Variants in PIN4 observed in about 807,000 individuals in gnomAD.
The protein encoded by PIN4 is peptidyl-prolyl cis-trans isomerase NIMA-interacting 4.
Under a neutral mutation model 8.3 loss-of-function variants are expected in PIN4, and 3 were observed. The observed-to-expected ratio is 0.36, with a 90% CI of 0.16 to 0.93. The LOEUF (loss-of-function observed/expected upper bound fraction) is 0.93. Ranked by LOEUF, PIN4 falls within the 40% of genes least tolerant of loss-of-function variation. The probability of loss-of-function intolerance (pLI) is 0.44; values close to 1 mark genes in which losing one functional copy is unlikely to be tolerated. For synonymous variants in PIN4, 18 were observed against 32.5 expected (o/e 0.55, Z 1.52); for missense variants, 75 against 100.6 (o/e 0.75, Z 1.09).
rs754139133 is a variant in PIN4 at position 72,192,089 on chromosome X, T to C, written c.118-4696T>C. On this transcript the variant is annotated intron_variant, in intron 2 of 3. Transcript: ENST00000373669. The stretch of plus-strand genomic sequence containing the variant: ...GCTTCAGCCTCCCGAGTAGCTGGGA[T>C]TACAGGCATCCACCACCACTCCCGG... Among the ~76,000 whole-genome samples, 6 of 110,606 alleles carry C rather than the reference T, an allele frequency of 5.4e-5. No individual in the cohort carries two copies. The East Asian group carries it at 1.1e-3, about 21-fold the overall frequency.
At chrX:72,207,702 A>G in intron 3 of PIN4, 2 of 1,211,314 alleles carry the variant, frequency 1.7e-6, no homozygotes, top group East Asian at 5.9e-5. Context: ...GCATTTCACA[A>G]ATGGCATCAA....
intron 1 of PIN4, among the ~76,000 whole-genome samples, chrX:72,184,393 G>A (rs1039912516): frequency 1.8e-5 from 2 of 112,166 alleles, no homozygotes; most frequent in Non-Finnish European, 3.8e-5. Flanking sequence ...CTAGTTCTGA[G>A]TGGCACAGTT....
chrX:72,260,270 C>T (rs955480279), intron 3 of PIN4, among the ~76,000 whole-genome samples: 3 of 112,079 alleles, frequency 2.7e-5, no homozygotes, highest in African/African-American at 6.5e-5. Context: ...GGTGTCCTTC[C>T]GAGGGGAGGC....
chrX:72,190,677 C>T (rs890356504), intron 2 of PIN4, among the ~76,000 whole-genome samples: 3 of 110,828 alleles, frequency 2.7e-5, no homozygotes, highest in Admixed American at 9.7e-5. Flanking sequence ...TTCAGCCGGG[C>T]GCCGGTGGCT....
intron 3 of PIN4, among the ~76,000 whole-genome samples, chrX:72,260,951 T>G (rs2043136344): frequency 8.9e-6 from 1 of 111,825 alleles, no homozygotes; most frequent in Non-Finnish European, 1.9e-5. Context: ...CTGCCTCTAT[T>G]CTCTGCTTCC....
intron 2 of PIN4, 88 bp from the exon 3 acceptor site, chrX:72,196,697 C>A: frequency 4.0e-6 from 3 of 743,668 alleles, no homozygotes; most frequent in Non-Finnish European, 5.7e-6. Flanking sequence ...TTTTTTTTAA[C>A]TGGTGGGGGT....
Position 72,186,550 on chromosome X carries a change from C to CT in PIN4, c.117+23dup. ...TGCAGTAAAGGTGAGTTACTGGTTC[C>CT]TTTTTTTCCATGTTAAATATAAATT... On this transcript the variant is annotated intron_variant, in intron 2 of 3. Transcript: ENST00000373669. 7 of 1,091,426 alleles carry CT rather than the reference C, an allele frequency of 6.4e-6. No homozygotes were observed. Among genetic ancestry groups the CT allele is most frequent in the African/African-American group, 1.8e-5 (1 of 55,271 alleles). 89.9% of individuals were successfully genotyped at this position (1,091,426 alleles called of 1,213,427 possible).
At chrX:72,192,303 TTC>T (rs2042740020) in intron 2 of PIN4, among the ~76,000 whole-genome samples, 1 of 111,591 alleles carries the variant, frequency 9.0e-6, no homozygotes, top group Admixed American at 9.5e-5. Context: ...CCAGAGCCCT[TTC>T]TCCTTTTCAA....
chrX:72,182,067 G>A (rs1345810395), intron 1 of PIN4: 4 of 402,861 alleles, frequency 9.9e-6, no homozygotes, highest in Non-Finnish European at 1.8e-5. Context: ...CTATTTCAAG[G>A]GGTTATTAGA....
chrX:72,201,108 C>T (rs1403324477), downstream of PIN4, among the ~76,000 whole-genome samples: 1 of 110,808 alleles, frequency 9.0e-6, no homozygotes, highest in East Asian at 2.8e-4. Flanking sequence ...GAGGCTGAGG[C>T]AGGAGGGTTG....
chrX:72,205,437 C>T (rs200436150), intron 3 of PIN4: 19 of 1,210,502 alleles, frequency 1.6e-5, no homozygotes, highest in Non-Finnish European at 2.1e-5. Context: ...GTCTTTCCTC[C>T]ATGTCCTCCA....
chrX:72,208,099 T>C, intron 3 of PIN4: 1 of 1,211,695 alleles, frequency 8.3e-7, no homozygotes, highest in Non-Finnish European at 1.1e-6. Context: ...GATGACATAG[T>C]CCCACACAAA....
At chrX:72,209,248 TTCCCAGAGCTTCCGC>T (rs1329089082) in intron 3 of PIN4, among the ~76,000 whole-genome samples, 1 of 111,282 alleles carries the variant, frequency 9.0e-6, no homozygotes, top group Non-Finnish European at 1.9e-5. Context: ...TCCTCAAGTT[TTCCCAGAGCTTCCGC>T]TCCCACCTAT....
At chrX:72,205,399 G>A in intron 3 of PIN4, 7 of 1,211,895 alleles carry the variant, frequency 5.8e-6, no homozygotes, top group Non-Finnish European at 6.7e-6. Flanking sequence ...ATAATCTTCA[G>A]GACCCTTTGC....
intron 3 of PIN4, among the ~76,000 whole-genome samples, chrX:72,235,603 G>A (rs183850884): frequency 9.2e-4 from 98 of 106,345 alleles, no homozygotes; most frequent in African/African-American, 3.7e-3. Context: ...ACGTTGGCCA[G>A]GCTGGTCTCG....
intron 3 of PIN4, among the ~76,000 whole-genome samples, chrX:72,243,968 C>A (rs1461226481): frequency 8.9e-6 from 1 of 112,511 alleles, no homozygotes; most frequent in Non-Finnish European, 1.9e-5. Context: ...CCCAGGCAGT[C>A]TGGCTTTCGA....
intron 3 of PIN4, among the ~76,000 whole-genome samples, chrX:72,250,897 G>A (rs751884200): frequency 9.9e-4 from 106 of 107,335 alleles, no homozygotes; most frequent in Non-Finnish European, 1.5e-3. Context: ...CCACCACCAC[G>A]CCTGGCTAAT....
intron 3 of PIN4, among the ~76,000 whole-genome samples, chrX:72,258,406 C>T (rs774499193): frequency 2.2e-4 from 25 of 112,382 alleles, no homozygotes; most frequent in Non-Finnish European, 3.8e-4. Flanking sequence ...AGGGCTCCCC[C>T]CACAGCCACA....
Position 72,218,144 on chromosome X carries a change from C to T in PIN4, c.312+21240C>T, listed in dbSNP as rs924408422. Among the ~76,000 whole-genome samples the T allele has an allele frequency of 2.7e-5, 3 of 109,119 alleles. No individual in the cohort carries two copies. The Admixed American group carries it at 2.9e-4, about 11-fold the overall frequency. The allele number at this position is 109,119 out of a possible 115,157, so 94.8% of individuals were successfully genotyped here. ...AATTAGCTGGGCATGGTGGTGGGCG[C>T]CTGTAGTCCCAGCTACTCAGGAGGC... On this transcript the variant is annotated intron_variant, in intron 3 of 3. Transcript: ENST00000423432.
Sources: gnomAD v4.1 joint callset for allele counts (sites outside exome capture counted in the v4.1 genomes callset) on GRCh38, gnomAD v4.1.1 for gene constraint, MANE v1.5 for transcripts, NCBI Gene and HGNC (gene_info 2026-07-23, HGNC 2026-07-21) for gene names.